Variants in ATG7 observed in about 807,000 individuals in gnomAD.
The protein encoded by ATG7 is ubiquitin-like modifier-activating enzyme ATG7.
In ATG7, 70 loss-of-function variants were observed where a neutral mutation model predicts 82.4. The observed-to-expected ratio is 0.85, with a 90% CI of 0.70 to 1.04. The LOEUF is 1.04. ATG7 is among the 50% of genes least tolerant of loss of function. The pLI is 0.00. For missense variants in ATG7, 792 were observed against 864.3 expected, an observed-to-expected ratio of 0.92 and a Z score of 1.05; for synonymous variants, 287 against 313.0, an observed-to-expected ratio of 0.92 and a Z score of 0.88.
At chr3:11,471,302 G>A (rs1302410104) in intron 20 of ATG7, among the ~76,000 whole-genome samples, 1 of 152,088 alleles carries the variant, frequency 6.6e-6, no homozygotes, top group Admixed American at 6.5e-5. Context: ...CTTCTGCCTG[G>A]CAAACACCTA....
At chr3:11,493,928 C>A (rs1575028259) in intron 20 of ATG7, among the ~76,000 whole-genome samples, 1 of 152,100 alleles carries the variant, frequency 6.6e-6, no homozygotes, top group African/African-American at 2.4e-5. Flanking sequence ...GTATTGAGAA[C>A]CATGACTGGA....
chr3:11,370,544 C>G (rs890495778), intron 18 of ATG7, among the ~76,000 whole-genome samples: 5 of 151,094 alleles, frequency 3.3e-5, no homozygotes, highest in African/African-American at 1.2e-4. Flanking sequence ...GAAATATTGC[C>G]AGGCCTGCTG....
At chr3:11,352,785 G>A (rs2075660895) in intron 14 of ATG7, among the ~76,000 whole-genome samples, 1 of 152,208 alleles carries the variant, frequency 6.6e-6, no homozygotes, top group African/African-American at 2.4e-5. Flanking sequence ...CAAGTGTGGG[G>A]CATGTGCCAG....
intron 1 of ATG7, among the ~76,000 whole-genome samples, chr3:11,277,902 C>A (rs889711882): frequency 1.9e-4 from 26 of 137,324 alleles, no homozygotes; most frequent in Non-Finnish European, 3.8e-4. Context: ...CCCCCCCCCC[C>A]CCACCAGGAA....
chr3:11,497,403 A>C (rs1465263177), intron 20 of ATG7, among the ~76,000 whole-genome samples: 1 of 127,268 alleles, frequency 7.9e-6, no homozygotes, highest in South Asian at 2.7e-4. Flanking sequence ...TTAGCCAGGC[A>C]TGGTGGTGGG....
At chr3:11,539,710 T>C (rs543716787) in intron 20 of ATG7, among the ~76,000 whole-genome samples, 2 of 152,370 alleles carry the variant, frequency 1.3e-5, no homozygotes, top group South Asian at 2.1e-4. Context: ...CGTTTTCTCT[T>C]ATGAATTTAA....
At chr3:11,273,014 C>T (rs1230722024) in intron 1 of ATG7, among the ~76,000 whole-genome samples, 1 of 152,188 alleles carries the variant, frequency 6.6e-6, no homozygotes, top group Non-Finnish European at 1.5e-5. Flanking sequence ...AGTCAAACTT[C>T]TAATTTTATA....
At chr3:11,487,298 A>G (rs2089796872) in intron 20 of ATG7, among the ~76,000 whole-genome samples, 1 of 62,330 alleles carries the variant, frequency 1.6e-5, no homozygotes, top group South Asian at 5.1e-4. Context: ...CCGCCTTTCT[A>G]TTCCACAAAG....
intron 20 of ATG7, among the ~76,000 whole-genome samples, chr3:11,437,163 C>T (rs1185984372): frequency 1.3e-5 from 2 of 152,150 alleles, no homozygotes; most frequent in African/African-American, 4.8e-5. Context: ...TCTCTGCATG[C>T]AATGTTGATT....
At chr3:11,558,962 C>T, downstream of ATG7, 1 of 1,089,224 alleles carries the variant, frequency 9.2e-7, no homozygotes, top group Non-Finnish European at 1.3e-6. Flanking sequence ...AGACAGAACC[C>T]ACCTCCCCCG....
chr3:11,414,291 C>G (rs752525946), intron 19 of ATG7, among the ~76,000 whole-genome samples: 1 of 152,154 alleles, frequency 6.6e-6, no homozygotes, highest in Non-Finnish European at 1.5e-5. Flanking sequence ...GTCTCAAAGT[C>G]CTGACTTCAG....
intron 19 of ATG7, among the ~76,000 whole-genome samples, chr3:11,380,755 T>C (rs112898224): frequency 6.6e-6 from 1 of 152,214 alleles, no homozygotes; most frequent in African/African-American, 2.4e-5. Context: ...TCATGATTGC[T>C]GATAAGTAAA....
At chr3:11,398,431 C>T (rs1374889469) in intron 19 of ATG7, among the ~76,000 whole-genome samples, 1 of 152,160 alleles carries the variant, frequency 6.6e-6, no homozygotes, top group Non-Finnish European at 1.5e-5. Context: ...ACTAGAAAAT[C>T]ATCCCCATGT....
In ATG7 at chr3:11,479,000, ACACACACAC is replaced by A. The variant is rs2088599514; in HGVS notation, c.2079+52075_2079+52083del. 5.8e-4 allele frequency among the ~76,000 whole-genome samples: 88 copies of A among 150,458 alleles called. 1 individual carries two copies. Among genetic ancestry groups the A allele is most frequent in the African/African-American group, 1.1e-3 (46 of 40,874 alleles). The stretch of plus-strand genomic sequence containing the variant: ...GCCTGTATATTTACAACACACACAC[ACACACACAC>A]ACACACACACACACACACACACACA... On this transcript the variant is annotated intron_variant, in intron 20 of 20. Transcript: ENST00000693202.
chr3:11,290,341 C>T (rs56046427), intron 3 of ATG7: 2,458 of 161,016 alleles, frequency 0.015, 38 homozygotes, highest in Non-Finnish European at 0.025. Context: ...CACATCCCAG[C>T]GCGGTGATGG....
intron 11 of ATG7, among the ~76,000 whole-genome samples, chr3:11,334,728 C>T (rs1387792779): frequency 4.0e-5 from 6 of 151,042 alleles, no homozygotes; most frequent in Non-Finnish European, 8.9e-5. Context: ...GAGGCCGAGG[C>T]GGGTGGATCA....
At chr3:11,461,600 G>A (rs1225534107) in intron 20 of ATG7, among the ~76,000 whole-genome samples, 1 of 152,138 alleles carries the variant, frequency 6.6e-6, no homozygotes, top group Non-Finnish European at 1.5e-5. Context: ...TCTCTTAAAT[G>A]TAGTTCTTAG....
chr3:11,504,148 G>A (rs74453050), intron 20 of ATG7, among the ~76,000 whole-genome samples: 1,725 of 152,256 alleles, frequency 0.011, 32 homozygotes, highest in African/African-American at 0.039. Context: ...AAAGACAGTC[G>A]AGAGGGGGAA....
chr3:11,312,738 A>C (rs1398864653), intron 7 of ATG7, among the ~76,000 whole-genome samples: 1 of 152,284 alleles, frequency 6.6e-6, no homozygotes, highest in Non-Finnish European at 1.5e-5. Context: ...ACATATGTGA[A>C]TAGCACAGCT....
Sources: gnomAD v4.1 joint callset for allele counts (sites outside exome capture counted in the v4.1 genomes callset) on GRCh38, gnomAD v4.1.1 for gene constraint, MANE v1.5 for transcripts, NCBI Gene and HGNC (gene_info 2026-07-23, HGNC 2026-07-21) for gene names.